Variants in RGS7 observed in about 807,000 individuals in gnomAD.
The protein encoded by RGS7 is regulator of G-protein signaling 7.
RGS7 carries 27 observed loss-of-function variants against 81.1 expected under a neutral mutation model. The observed-to-expected ratio is 0.33, with a 90% CI of 0.25 to 0.46. The LOEUF is 0.46. Among genes scored for constraint, RGS7 ranks in the 20% least tolerant of loss-of-function variants. RGS7 has a pLI of 1.00. For synonymous variants in RGS7, 208 were observed against 207.7 expected (o/e 1.00, Z -0.01); for missense variants, 396 against 607.4 (o/e 0.65, Z 3.66).
At chr1:240,870,209 CT>C in intron 6 of RGS7, 90 bp from the exon 7 acceptor site, 2 of 1,096,148 alleles carry the variant, frequency 1.8e-6, no homozygotes, top group Non-Finnish European at 2.8e-6. Context: ...GGGCATTGCA[CT>C]TTTTTCCCAA....
At chr1:240,895,278 TTC>T (rs1668878437) in intron 6 of RGS7, among the ~76,000 whole-genome samples, 1 of 148,490 alleles carries the variant, frequency 6.7e-6, no homozygotes, top group Non-Finnish European at 1.5e-5. Flanking sequence ...CTTTCTTTCT[TTC>T]TTTCTTTTTT....
chr1:240,780,444 A>T, intron 18 of RGS7, among the ~76,000 whole-genome samples: 1 of 129,554 alleles, frequency 7.7e-6, no homozygotes, highest in South Asian at 2.4e-4. Context: ...TGTCTCAAAA[A>T]AAAAAAAAAA....
intron 3 of RGS7, among the ~76,000 whole-genome samples, chr1:241,044,374 T>A (rs1023670464): frequency 6.6e-6 from 1 of 152,104 alleles, no homozygotes; most frequent in Admixed American, 6.6e-5. Context: ...CCTCTCAAAG[T>A]GTTGGGAATA....
intron 3 of RGS7, among the ~76,000 whole-genome samples, chr1:241,071,874 C>CAAAGAAAAAA (rs2062474659): frequency 1.8e-5 from 1 of 56,856 alleles, no homozygotes; most frequent in Non-Finnish European, 2.9e-5. Context: ...GAGACCCTGT[C>CAAAGAAAAAA]AAAAAAAAAA....
chr1:240,826,969 G>C, intron 10 of RGS7, 129 bp downstream of exon 10: 1 of 787,316 alleles, frequency 1.3e-6, no homozygotes, highest in East Asian at 2.6e-5. Context: ...TTGAGGAAGG[G>C]AGGGCTGTGG....
At chr1:241,007,634 C>T (rs907387989) in intron 3 of RGS7, among the ~76,000 whole-genome samples, 6 of 152,070 alleles carry the variant, frequency 3.9e-5, no homozygotes, top group Admixed American at 1.3e-4. Context: ...AGTTTAAAAG[C>T]GTGGTATGAG....
intron 2 of RGS7, among the ~76,000 whole-genome samples, chr1:241,161,371 G>A (rs569526496): frequency 7.9e-5 from 12 of 151,838 alleles, no homozygotes; most frequent in African/African-American, 2.9e-4. Flanking sequence ...AATTAAAACT[G>A]TTTGCACAAT....
chr1:241,326,242 G>A (rs1050708473), intron 2 of RGS7, among the ~76,000 whole-genome samples: 7 of 152,270 alleles, frequency 4.6e-5, no homozygotes, highest in Admixed American at 6.5e-5. Flanking sequence ...CCCTGGTTGC[G>A]TACGTACACC....
intron 4 of RGS7, among the ~76,000 whole-genome samples, chr1:240,977,386 TA>T (rs1684292440): frequency 6.6e-6 from 1 of 151,678 alleles, no homozygotes; most frequent in Non-Finnish European, 1.5e-5. Context: ...TATATATATA[TA>T]CACACATATG....
In RGS7 at chr1:241,078,301, CTGTGTGTGTGTGTGTG is replaced by C. The variant is rs71568986; in HGVS notation, c.175+20349_175+20364del. Among the ~76,000 whole-genome samples, 781 of 130,264 alleles carry C rather than the reference CTGTGTGTGTGTGTGTG, an allele frequency of 6.0e-3. 9 individuals are homozygous for C. Among genetic ancestry groups the C allele is most frequent in the African/African-American group, 0.02 (704 of 34,906 alleles). 85.5% of individuals were successfully genotyped at this position (130,264 alleles called of 152,430 possible). On this transcript the variant is annotated intron_variant, in intron 3 of 18. Transcript: ENST00000440928. ...TTCCTGTGATATGTGCTTCTGGTCTCTGTGTGTGTGTGTGTGTGTGTGTGTGTGTGTGTGTGTGTGT... is the reference window on the plus strand; with the variant it reads ...TTCCTGTGATATGTGCTTCTGGTCTCTGTGTGTGTGTGTGTGTGTGTGTGT...
At chr1:241,269,541 G>A (rs1286207259) in intron 2 of RGS7, among the ~76,000 whole-genome samples, 1 of 152,208 alleles carries the variant, frequency 6.6e-6, no homozygotes, top group African/African-American at 2.4e-5. Flanking sequence ...ACTGCCAGAA[G>A]TGTGCATTCA....
chr1:241,143,707 T>C (rs1284212012), intron 2 of RGS7, among the ~76,000 whole-genome samples: 2 of 152,202 alleles, frequency 1.3e-5, no homozygotes, highest in Non-Finnish European at 2.9e-5. Flanking sequence ...AAACCACTTA[T>C]TTATGTGAAA....
rs529222554 is a variant in RGS7 at position 241,248,674 on chromosome 1, C to A, written c.78+107025G>T. ...CTACATCTCTTTGTATTTTTAAATT[C>A]ATTCCTAGAGTGAACATATGCATCC... is the stretch of plus-strand genomic sequence containing the variant. On this transcript the variant is annotated intron_variant, in intron 2 of 18. Coordinates refer to ENST00000440928, the MANE Select transcript of RGS7 (RefSeq NM_001364886.1). Among the ~76,000 whole-genome samples the A allele has an allele frequency of 3.3e-5, 5 of 152,054 alleles. No homozygotes were observed. The East Asian group carries it at 9.7e-4, about 29-fold the overall frequency.
chr1:240,798,768 A>G (rs1461309689), intron 18 of RGS7, among the ~76,000 whole-genome samples: 1 of 152,184 alleles, frequency 6.6e-6, no homozygotes, highest in Non-Finnish European at 1.5e-5. Context: ...GCAGATATTC[A>G]ATGAATGTGA....
intron 18 of RGS7, among the ~76,000 whole-genome samples, chr1:240,795,952 A>G (rs2103030175): frequency 6.6e-6 from 1 of 152,192 alleles, no homozygotes; most frequent in Non-Finnish European, 1.5e-5. Flanking sequence ...TTGTTATTAT[A>G]ATTATTATTA....
At chr1:241,168,178 G>C (rs1192996710) in intron 2 of RGS7, among the ~76,000 whole-genome samples, 1 of 152,112 alleles carries the variant, frequency 6.6e-6, no homozygotes, top group Admixed American at 6.5e-5. Context: ...AACTCTGCAA[G>C]GAATGATGAG....
At chr1:240,935,756 T>G (rs562502988) in intron 5 of RGS7, among the ~76,000 whole-genome samples, 1 of 152,234 alleles carries the variant, frequency 6.6e-6, no homozygotes, top group African/African-American at 2.4e-5. Context: ...TATGTAGACA[T>G]AGAGCATTTA....
intron 2 of RGS7, among the ~76,000 whole-genome samples, chr1:241,299,114 C>T (rs2079587566): frequency 6.6e-6 from 1 of 152,200 alleles, no homozygotes. Context: ...TTTAACGCTA[C>T]TATGTACAAG....
intron 14 of RGS7, among the ~76,000 whole-genome samples, chr1:240,809,354 T>C (rs1263659391): frequency 1.3e-5 from 2 of 152,204 alleles, no homozygotes; most frequent in African/African-American, 2.4e-5. Context: ...CACTCACTGA[T>C]AGCAGGAGGG....
Sources: allele counts gnomAD v4.1 joint callset (sites outside exome capture counted in the v4.1 genomes callset), GRCh38; gene constraint gnomAD v4.1.1; transcripts MANE v1.5; gene names NCBI Gene and HGNC (gene_info 2026-07-23, HGNC 2026-07-21).